The following FAM193A variants were observed in gnomAD, a reference collection of about 807,000 sequenced individuals.
FAM193A encodes family with sequence similarity 193 member A.
A neutral mutation model predicts 126.5 loss-of-function variants in FAM193A; 22 were observed. The ratio of observed to expected loss-of-function variants is 0.17; its 90% CI spans 0.12 to 0.25. The LOEUF is 0.25. Ranked by LOEUF, FAM193A falls within the 10% of genes least tolerant of loss-of-function variation. FAM193A has a pLI of 1.00. For missense variants in FAM193A, 1,675 were observed against 1,672.8 expected, an observed-to-expected ratio of 1.00 and a Z score of -0.02; for synonymous variants, 761 against 646.8, an observed-to-expected ratio of 1.18 and a Z score of -2.68.
At chr4:2,589,607 A>C (rs938424491) in intron 1 of FAM193A, among the ~76,000 whole-genome samples, 1 of 152,208 alleles carries the variant, frequency 6.6e-6, no homozygotes, top group Non-Finnish European at 1.5e-5. Flanking sequence ...TTAAATACTT[A>C]AGGTAATTTT....
At chr4:2,666,477 A>G (rs1459768304) in intron 12 of FAM193A, among the ~76,000 whole-genome samples, 2 of 152,160 alleles carry the variant, frequency 1.3e-5, no homozygotes, top group Non-Finnish European at 2.9e-5. Flanking sequence ...GTAGTTTCCT[A>G]TCTTTGTGAT....
At chr4:2,620,836 C>CAAAAAAAAAAAGAAAAA (rs1207985820) in intron 2 of FAM193A, among the ~76,000 whole-genome samples, 4 of 69,100 alleles carry the variant, frequency 5.8e-5, no homozygotes, top group Admixed American at 1.8e-4. Context: ...AACTCCGTCT[C>CAAAAAAAAAAAGAAAAA]AAAAAAAAAA....
intron 1 of FAM193A, among the ~76,000 whole-genome samples, chr4:2,566,280 C>T (rs1314756190): frequency 1.3e-5 from 2 of 152,152 alleles, no homozygotes; most frequent in African/African-American, 2.4e-5. Flanking sequence ...ATCTTCTGAC[C>T]TCGTGATCTG....
intron 20 of FAM193A, among the ~76,000 whole-genome samples, chr4:2,730,692 G>T (rs1200440527): frequency 7.5e-6 from 1 of 132,986 alleles, no homozygotes; most frequent in African/African-American, 2.8e-5. Context: ...TCCGTGTCAA[G>T]AAAAAAAAAA....
At chr4:2,694,482 T>C (rs1716805287) in intron 16 of FAM193A, among the ~76,000 whole-genome samples, 1 of 152,142 alleles carries the variant, frequency 6.6e-6, no homozygotes, top group South Asian at 2.1e-4. Flanking sequence ...TTGGCCAGGC[T>C]GATCTCGAAC....
chr4:2,555,930 A>T, intron 1 of FAM193A, among the ~76,000 whole-genome samples: 1 of 143,406 alleles, frequency 7.0e-6, no homozygotes. Flanking sequence ...TTGAGATGGA[A>T]TTTTGCTTTT....
rs1042297143 is a variant in FAM193A at position 2,539,736 on chromosome 4, T to C, written c.255+2566T>C. 3.3e-5 allele frequency among the ~76,000 whole-genome samples: 5 copies of C among 152,132 alleles called. No individual in the cohort carries two copies. The East Asian group carries it at 9.6e-4, about 29-fold the overall frequency. On this transcript the variant is annotated intron_variant, in intron 1 of 20. Coordinates refer to ENST00000637812, the MANE Select transcript of FAM193A (RefSeq NM_001366318.2). The stretch of plus-strand genomic sequence containing the variant: ...AAGGTTTTTGACCATGACCCACTCT[T>C]ATGACCCACTCCAAGAAATAAAATC...
At position 2,663,208 on chromosome 4, in the gene FAM193A, G is replaced by T. The variant is rs1266310827; in HGVS notation, c.1999G>T (p.Asp667Tyr). The change falls in exon 12 of 21, where the codon GAT becomes TAT. Residue 667 changes from aspartate (D) to tyrosine (Y), a missense_variant. Physicochemically the swap from Asp to Tyr is radical, Grantham distance 160. Around this residue, in one of 4 missense-constraint regions of FAM193A, gnomAD observed 1,186 missense variants for 1,109.2 expected, o/e 1.07. Transcript: ENST00000637812. ...GGAGCCCCCAGGGGCCCCGAAGGAA[G>T]ATGGAGTGCTGGGAAGCAGGAGCCC... ...SGEPPGAPKEDGVLGSRSPRT... is the reference protein window; with the variant it reads ...SGEPPGAPKEYGVLGSRSPRT... The T allele has an allele frequency of 6.2e-7, 1 of 1,614,158 alleles. No homozygotes were observed. The highest frequency in any genetic ancestry group is 8.5e-7 in the Non-Finnish European group (1 of 1,180,034).
chr4:2,596,064 ATTTT>A lies in FAM193A; in HGVS notation c.256-13_256-10del. On this transcript the variant is annotated splice_polypyrimidine_tract_variant and intron_variant, in intron 1 of 20. Transcript: ENST00000637812. ...TTGTAGATGAGGTTTTGAAAATAGAATTTTTTTTTTCTATTCCAGACTCCTTTTA... is the reference window on the plus strand; with the variant it reads ...TTGTAGATGAGGTTTTGAAAATAGAATTTTTTCTATTCCAGACTCCTTTTA... The A allele has an allele frequency of 1.5e-6, 1 of 650,794 alleles. No homozygotes were observed. The highest frequency in any genetic ancestry group is 2.8e-6 in the Non-Finnish European group (1 of 356,776). The allele number at this position is 650,794 out of a possible 1,614,324, so 40.3% of individuals were successfully genotyped here.
At chr4:2,708,102 T>C in intron 19 of FAM193A, 1 of 443,586 alleles carries the variant, frequency 2.3e-6, no homozygotes, top group Non-Finnish European at 4.5e-6. Context: ...TTTATTTGTG[T>C]ATGAAAGCTA....
chr4:2,661,746 G>C (rs1712473280), intron 10 of FAM193A, among the ~76,000 whole-genome samples: 1 of 152,178 alleles, frequency 6.6e-6, no homozygotes, highest in South Asian at 2.1e-4. Flanking sequence ...GTTGCTGTGT[G>C]CCCAGGCTGA....
intron 5 of FAM193A, among the ~76,000 whole-genome samples, chr4:2,632,465 G>T (rs1743689619): frequency 6.6e-6 from 1 of 152,284 alleles, no homozygotes; most frequent in Non-Finnish European, 1.5e-5. Flanking sequence ...AGGCTGTGAG[G>T]CAAGAGGATC....
intron 18 of FAM193A, among the ~76,000 whole-genome samples, chr4:2,699,437 C>CCG (rs1491269993): frequency 4.1e-5 from 2 of 48,210 alleles, no homozygotes; most frequent in Non-Finnish European, 9.1e-5. Flanking sequence ...TTAACTACCA[C>CCG]CCCCCCCCCC....
intron 19 of FAM193A, among the ~76,000 whole-genome samples, chr4:2,703,288 C>G (rs1259651905): frequency 6.6e-6 from 1 of 152,166 alleles, no homozygotes; most frequent in South Asian, 2.1e-4. Context: ...ACTCTGTCAT[C>G]TAGGCTGGAG....
chr4:2,609,139 G>A (rs34421311), intron 2 of FAM193A, among the ~76,000 whole-genome samples: 4,852 of 151,892 alleles, frequency 0.032, 121 homozygotes, highest in Non-Finnish European at 0.047. Flanking sequence ...TGATCCACCC[G>A]CCTCGGCCTT....
At chr4:2,554,069 C>G (rs1738109991) in intron 1 of FAM193A, among the ~76,000 whole-genome samples, 1 of 152,000 alleles carries the variant, frequency 6.6e-6, no homozygotes, top group Admixed American at 6.6e-5. Flanking sequence ...CTGTTTAATT[C>G]TGTTATCTCT....
chr4:2,675,523 C>T (rs923832901), intron 13 of FAM193A, among the ~76,000 whole-genome samples: 3 of 152,170 alleles, frequency 2.0e-5, no homozygotes, highest in African/African-American at 7.2e-5. Context: ...TGGTAACTTC[C>T]CTTGCTCTAA....
chr4:2,662,920 G>T lies in FAM193A; in HGVS notation c.1828G>T (p.Val610Leu), dbSNP rs1712640705. Residue 610 changes from valine to leucine, a missense_variant, in exon 11 of 21, where the codon GTG (valine) becomes TTG (leucine). Val to Leu is a conservative substitution (Grantham distance 32). Transcript: ENST00000637812. Reference sequence around the variant, plus strand: ...ATTGAGTAATTATGATGATACCGAGGTGGTGGCCAACATGAATGGAATCCA... The same window carrying T: ...ATTGAGTAATTATGATGATACCGAGTTGGTGGCCAACATGAATGGAATCCA... ...YPLSNYDDTE[V>L]VANMNGIHSE... The T allele has an allele frequency of 1.2e-6, 2 of 1,613,726 alleles. No individual in the cohort carries two copies. The highest frequency in any genetic ancestry group is 1.7e-5 in the Admixed American group (1 of 59,988).
intron 1 of FAM193A, among the ~76,000 whole-genome samples, chr4:2,557,842 C>T (rs891145945): frequency 6.6e-6 from 1 of 151,970 alleles, no homozygotes; most frequent in East Asian, 1.9e-4. Context: ...GTCCCAGCTA[C>T]TCGGGAGGCT....
Sources: gnomAD v4.1 joint callset for allele counts (sites outside exome capture counted in the v4.1 genomes callset) on GRCh38, gnomAD v4.1.1 for gene constraint, gnomAD v4.1.1 regional missense constraint, MANE v1.5 for transcripts, NCBI Gene and HGNC (gene_info 2026-07-23, HGNC 2026-07-21) for gene names.